The following MYO16 variants were observed in gnomAD, a reference collection of about 807,000 sequenced individuals.
The protein encoded by MYO16 is unconventional myosin-XVI.
In MYO16, 94 loss-of-function variants were observed where a neutral mutation model predicts 205.3. The ratio of observed to expected loss-of-function variants is 0.46; its 90% CI spans 0.39 to 0.54. The LOEUF is 0.54. Among genes scored for constraint, MYO16 ranks in the 20% least tolerant of loss-of-function variants. MYO16 has a pLI of 0.00. For synonymous variants in MYO16, 988 were observed against 954.0 expected (o/e 1.04, Z -0.66); for missense variants, 2,315 against 2,387.5 (o/e 0.97, Z 0.63).
rs372300769 is a variant in MYO16, at chr13:109,129,071, CT to C, written c.4051+1538del. Reference sequence around the variant, plus strand: ...ACAGGCATGAGCCACTGCGCCAGGCCTTTTTTTTTTTTTTTTTAGCATTTTT... The same window carrying C: ...ACAGGCATGAGCCACTGCGCCAGGCCTTTTTTTTTTTTTTTTAGCATTTTT... On this transcript the variant is annotated intron_variant, in intron 31 of 34. Transcript: ENST00000457511. Among the ~76,000 whole-genome samples, 967 of 128,102 alleles carry C rather than the reference CT, an allele frequency of 7.5e-3. 1 individual carries two copies. The highest frequency in any genetic ancestry group is 0.032 in the East Asian group (143 of 4,472). The allele number at this position is 128,102 out of a possible 152,430, so 84.0% of individuals were successfully genotyped here.
intron 4 of MYO16, among the ~76,000 whole-genome samples, chr13:108,754,612 T>C (rs1885362366): frequency 6.6e-6 from 1 of 152,158 alleles, no homozygotes; most frequent in Non-Finnish European, 1.5e-5. Flanking sequence ...AATAAAACAT[T>C]GTGGCAAATG....
At chr13:108,624,781 C>CTGTGTGTGTGTG (rs767842855), upstream of MYO16, among the ~76,000 whole-genome samples, 28 of 121,638 alleles carry the variant, frequency 2.3e-4, no homozygotes, top group Non-Finnish European at 3.5e-4. Flanking sequence ...CCCATATAGC[C>CTGTGTGTGTGTG]TGAGTGTGTG....
At chr13:108,885,182 C>T (rs1408289587) in intron 13 of MYO16, among the ~76,000 whole-genome samples, 1 of 152,172 alleles carries the variant, frequency 6.6e-6, no homozygotes, top group African/African-American at 2.4e-5. Flanking sequence ...TGCAATGGCA[C>T]AATCTCAGCT....
upstream of MYO16, among the ~76,000 whole-genome samples, chr13:108,628,331 C>T (rs1019491580): frequency 1.3e-5 from 2 of 152,248 alleles, no homozygotes; most frequent in East Asian, 1.9e-4. Context: ...CAAGTTAAAG[C>T]GTCCATAATC....
At chr13:108,510,322 T>C in the MYO16 span, among the ~76,000 whole-genome samples, 1 of 151,922 alleles carries the variant, frequency 6.6e-6, no homozygotes, top group African/African-American at 2.4e-5. Flanking sequence ...TTTCACCGTG[T>C]TAGGCAGGAT....
At chr13:109,004,262 G>A (rs1885315730) in intron 21 of MYO16, among the ~76,000 whole-genome samples, 1 of 152,080 alleles carries the variant, frequency 6.6e-6, no homozygotes, top group African/African-American at 2.4e-5. Flanking sequence ...AGTTACAGTT[G>A]TATATATCAT....
intron 27 of MYO16, among the ~76,000 whole-genome samples, chr13:109,085,924 T>G (rs895455911): frequency 1.3e-5 from 2 of 152,210 alleles, no homozygotes; most frequent in African/African-American, 2.4e-5. Flanking sequence ...TTATTAAATT[T>G]GACCTATAAC....
intron 27 of MYO16, among the ~76,000 whole-genome samples, chr13:109,084,475 A>T (rs1888377296): frequency 6.6e-6 from 1 of 152,210 alleles, no homozygotes; most frequent in African/African-American, 2.4e-5. Context: ...ATGAAATTGC[A>T]CTTTTACCTT....
At chr13:108,882,854 G>C (rs548488709) in intron 12 of MYO16, among the ~76,000 whole-genome samples, 7 of 152,284 alleles carry the variant, frequency 4.6e-5, no homozygotes, top group African/African-American at 1.7e-4. Flanking sequence ...GAAGGATAAA[G>C]TATAAGCCTC....
chr13:108,676,372 C>CGCGTGTGT (rs1555337822), intron 2 of MYO16, among the ~76,000 whole-genome samples: 9 of 131,762 alleles, frequency 6.8e-5, no homozygotes, highest in East Asian at 5.4e-4. Flanking sequence ...TATATGTACG[C>CGCGTGTGT]GTGTGTGTGT....
chr13:108,877,938 T>C (rs921492896), intron 12 of MYO16, among the ~76,000 whole-genome samples: 10 of 152,230 alleles, frequency 6.6e-5, no homozygotes, highest in Non-Finnish European at 2.9e-5. Flanking sequence ...GTCTAAATGC[T>C]TTAAACTTTG....
intron 6 of MYO16, among the ~76,000 whole-genome samples, chr13:108,795,210 T>TA (rs57823254): frequency 1.7e-4 from 26 of 151,206 alleles, no homozygotes; most frequent in Non-Finnish European, 3.1e-4. Context: ...TTTTTTTTTT[T>TA]AAATGGAATC....
At chr13:108,955,010 A>G (rs1269418630) in intron 16 of MYO16, among the ~76,000 whole-genome samples, 4 of 152,174 alleles carry the variant, frequency 2.6e-5, no homozygotes, top group Non-Finnish European at 4.4e-5. Flanking sequence ...TCTGCTCCGC[A>G]GCTGTGTCCC....
At chr13:108,559,207 A>C in the MYO16 span, among the ~76,000 whole-genome samples, 1 of 152,130 alleles carries the variant, frequency 6.6e-6, no homozygotes, top group Non-Finnish European at 1.5e-5. Context: ...ACGTACACAG[A>C]GAGGGAAGAG....
chr13:109,160,498 A>G (rs1878329274), intron 32 of MYO16, among the ~76,000 whole-genome samples: 1 of 152,212 alleles, frequency 6.6e-6, no homozygotes, highest in South Asian at 2.1e-4. Context: ...TTAATAGGCC[A>G]AAAGAAAACA....
chr13:108,726,422 G>C (rs1427870580), intron 3 of MYO16, among the ~76,000 whole-genome samples: 9 of 152,012 alleles, frequency 5.9e-5, no homozygotes, highest in Non-Finnish European at 8.8e-5. Flanking sequence ...AGCTGGGTGT[G>C]GTGGCATGCA....
chr13:109,185,287 C>T (rs565356288), intron 34 of MYO16, among the ~76,000 whole-genome samples: 18 of 151,796 alleles, frequency 1.2e-4, no homozygotes, highest in South Asian at 6.3e-4. Context: ...GATAAGAATC[C>T]CAGATTCATC....
intron 12 of MYO16, among the ~76,000 whole-genome samples, chr13:108,877,473 A>C (rs2139153793): frequency 6.6e-6 from 1 of 152,324 alleles, no homozygotes; most frequent in African/African-American, 2.4e-5. Flanking sequence ...GTTCTGGAGG[A>C]CTGCATGAGT....
intron 28 of MYO16, among the ~76,000 whole-genome samples, chr13:109,106,484 T>C (rs1889125606): frequency 6.6e-6 from 1 of 152,234 alleles, no homozygotes. Context: ...TTTCATGTTA[T>C]ATCATTTATG....
Sources: allele counts gnomAD v4.1 joint callset (sites outside exome capture counted in the v4.1 genomes callset), GRCh38; gene constraint gnomAD v4.1.1; transcripts MANE v1.5; gene names NCBI Gene and HGNC (gene_info 2026-07-23, HGNC 2026-07-21).